The following FMN1 variants were observed in gnomAD, a reference collection of about 807,000 sequenced individuals.
FMN1 encodes the protein formin-1.
In FMN1, 110 loss-of-function variants were observed where a neutral mutation model predicts 132.4. The ratio of observed to expected loss-of-function variants is 0.83; its 90% CI spans 0.71 to 0.97. FMN1 has a LOEUF of 0.97. Among genes scored for constraint, FMN1 ranks in the 50% least tolerant of loss-of-function variants. FMN1 has a pLI of 0.00. For missense variants in FMN1, 1,792 were observed against 1,705.3 expected, an observed-to-expected ratio of 1.05 and a Z score of -0.90; for synonymous variants, 722 against 651.7, an observed-to-expected ratio of 1.11 and a Z score of -1.64.
At chr15:32,997,265 A>C (rs2033825798) in intron 7 of FMN1, among the ~76,000 whole-genome samples, 1 of 152,152 alleles carries the variant, frequency 6.6e-6, no homozygotes, top group Non-Finnish European at 1.5e-5. Flanking sequence ...AAACCAGTGA[A>C]ATAAAAGAAC....
intron 19 of FMN1, among the ~76,000 whole-genome samples, chr15:32,785,214 ATATATTTTTTTT>A (rs1248925400): frequency 3.6e-4 from 8 of 22,130 alleles, no homozygotes; most frequent in African/African-American, 1.2e-3. Context: ...ATATATATAT[ATATATTTTTTTT>A]TTTTTTTTTT....
chr15:33,126,802 G>T (rs192586232), intron 4 of FMN1, among the ~76,000 whole-genome samples: 1 of 152,272 alleles, frequency 6.6e-6, no homozygotes, highest in African/African-American at 2.4e-5. Flanking sequence ...CATGAAACCC[G>T]AACTCTTTTC....
intron 3 of FMN1, among the ~76,000 whole-genome samples, chr15:33,169,114 A>T (rs924492988): frequency 6.6e-6 from 1 of 152,232 alleles, no homozygotes; most frequent in Non-Finnish European, 1.5e-5. Context: ...AGATGATTCC[A>T]CAAATTCATT....
intron 4 of FMN1, among the ~76,000 whole-genome samples, chr15:33,094,319 G>C (rs1252035717): frequency 6.6e-6 from 1 of 152,186 alleles, no homozygotes; most frequent in East Asian, 1.9e-4. Flanking sequence ...GGGATAGATA[G>C]ATTTGATGGG....
chr15:33,122,520 C>A (rs982424397), intron 4 of FMN1, among the ~76,000 whole-genome samples: 4 of 152,160 alleles, frequency 2.6e-5, no homozygotes, highest in African/African-American at 9.7e-5. Flanking sequence ...TTCTAGATGT[C>A]CCAAGTATTT....
In FMN1 at chr15:32,938,406, G is replaced by A. The variant is rs142513119; in HGVS notation, c.3139-12145C>T. On this transcript the variant is annotated intron_variant, in intron 9 of 20. Transcript: ENST00000616417. ...TAGGTGGGTGTGGTGGCACACTCCC[G>A]TAATCCCAGCTCCTCGGGAGGCTGA... 6.5e-3 allele frequency among the ~76,000 whole-genome samples: 996 copies of A among 152,188 alleles called. 13 individuals carry two copies. The highest frequency in any genetic ancestry group is 0.023 in the African/African-American group (937 of 41,508).
At chr15:32,943,288 T>G (rs1247442082) in intron 9 of FMN1, among the ~76,000 whole-genome samples, 2 of 152,192 alleles carry the variant, frequency 1.3e-5, no homozygotes, top group Non-Finnish European at 2.9e-5. Context: ...CGTGGAGAAT[T>G]CACATAAATT....
chr15:32,955,665 C>G (rs1413420277), intron 9 of FMN1, among the ~76,000 whole-genome samples: 1 of 152,188 alleles, frequency 6.6e-6, no homozygotes, highest in Non-Finnish European at 1.5e-5. Flanking sequence ...TTTTTTAAAG[C>G]ATAAATATTT....
chr15:32,887,428 T>C (rs1439761824), intron 16 of FMN1, among the ~76,000 whole-genome samples: 2 of 152,108 alleles, frequency 1.3e-5, no homozygotes, highest in African/African-American at 4.8e-5. Context: ...ACTCTAGAAA[T>C]GCCAAAGGAA....
intron 19 of FMN1, among the ~76,000 whole-genome samples, chr15:32,777,551 G>GTATAACATATAACACTTTATATATTACA (rs2056472173): frequency 7.1e-6 from 1 of 140,778 alleles, no homozygotes; most frequent in Non-Finnish European, 1.5e-5. Flanking sequence ...TATATATTAC[G>GTATAACATATAACACTTTATATATTACA]TATAACATAT....
intron 19 of FMN1, among the ~76,000 whole-genome samples, chr15:32,785,218 A>ATATTTTTTTTTTT (rs1444523400): frequency 1.5e-4 from 6 of 39,208 alleles, no homozygotes; most frequent in African/African-American, 3.6e-4. Flanking sequence ...ATATATATAT[A>ATATTTTTTTTTTT]TTTTTTTTTT....
At chr15:33,123,285 G>A (rs188410876) in intron 4 of FMN1, among the ~76,000 whole-genome samples, 26 of 151,836 alleles carry the variant, frequency 1.7e-4, no homozygotes, top group Admixed American at 7.2e-4. Context: ...ATCAAAACTG[G>A]GGTCATGTCA....
chr15:33,002,800 A>C (rs1434707322), intron 7 of FMN1, among the ~76,000 whole-genome samples: 1 of 152,206 alleles, frequency 6.6e-6, no homozygotes, highest in Non-Finnish European at 1.5e-5. Flanking sequence ...GTGTTTGCCA[A>C]ATGAAACACT....
chr15:32,937,162 T>C (rs1327267083), intron 9 of FMN1, among the ~76,000 whole-genome samples: 1 of 152,190 alleles, frequency 6.6e-6, no homozygotes, highest in Non-Finnish European at 1.5e-5. Flanking sequence ...CTAATTCATA[T>C]CATCATCTTT....
chr15:33,072,789 G>C (rs2038047219), intron 5 of FMN1, among the ~76,000 whole-genome samples: 1 of 152,044 alleles, frequency 6.6e-6, no homozygotes, highest in South Asian at 2.1e-4. Flanking sequence ...CAGGCATGGT[G>C]GTGGGCACCT....
chr15:32,989,396 C>G (rs980586516), intron 7 of FMN1, among the ~76,000 whole-genome samples: 1 of 152,072 alleles, frequency 6.6e-6, no homozygotes, highest in Non-Finnish European at 1.5e-5. Flanking sequence ...GATGAGGAAC[C>G]CTTGCAGGGC....
At chr15:33,080,266 AT>A (rs1461348869) in intron 5 of FMN1, among the ~76,000 whole-genome samples, 6 of 152,340 alleles carry the variant, frequency 3.9e-5, no homozygotes, top group Non-Finnish European at 8.8e-5. Flanking sequence ...GCATTTACTG[AT>A]GTTGAATCTA....
chr15:32,849,557 G>C (rs75364962), intron 17 of FMN1, among the ~76,000 whole-genome samples: 3,224 of 149,032 alleles, frequency 0.022, 102 homozygotes, highest in African/African-American at 0.07. Flanking sequence ...AACCGACTTC[G>C]GGGGAAAACA....
intron 8 of FMN1, among the ~76,000 whole-genome samples, chr15:32,966,851 C>G (rs1596361739): frequency 2.0e-5 from 3 of 152,354 alleles, no homozygotes; most frequent in Admixed American, 1.3e-4. Flanking sequence ...AATAATTGCA[C>G]TTTTGCTCCT....
Sources: allele counts gnomAD v4.1 joint callset (sites outside exome capture counted in the v4.1 genomes callset), GRCh38; gene constraint gnomAD v4.1.1; transcripts MANE v1.5; gene names NCBI Gene and HGNC (gene_info 2026-07-23, HGNC 2026-07-21).